The following CATSPERE variants were observed in gnomAD, a reference collection of about 807,000 sequenced individuals.
CATSPERE encodes cation channel sperm-associated auxiliary subunit epsilon.
A neutral mutation model predicts 114.1 loss-of-function variants in CATSPERE; 93 were observed. The observed-to-expected ratio is 0.81, with a 90% CI of 0.69 to 0.97. The LOEUF is 0.97. Ranked by LOEUF, CATSPERE falls within the 50% of genes least tolerant of loss-of-function variation. The pLI is 0.00. For synonymous variants in CATSPERE, 341 were observed against 384.1 expected (o/e 0.89, Z 1.31); for missense variants, 1,058 against 1,131.6 (o/e 0.93, Z 0.93).
Position 244,573,856 on chromosome 1 carries a change from G to A in CATSPERE, c.1950+1084G>A, listed in dbSNP as rs1664847003. ...CATCTTTGCAAACAATGTCATAATA[G>A]GTGTTATAAGTAAAATGTTTACTTA... On this transcript the variant is annotated intron_variant, in intron 11 of 21. Coordinates refer to ENST00000366534, the MANE Select transcript of CATSPERE (RefSeq NM_001130957.2). This position sits in a 1 kb window ranked among gnomAD's most constrained non-coding sequence, Gnocchi z 4.0. 6.6e-6 allele frequency among the ~76,000 whole-genome samples: 1 copy of A among 152,124 alleles called. No individual in the cohort carries two copies. Among genetic ancestry groups the A allele is most frequent in the South Asian group, 2.1e-4 (1 of 4,828 alleles).
intron 7 of CATSPERE, among the ~76,000 whole-genome samples, chr1:244,518,010 C>T (rs1251045485): frequency 6.6e-6 from 1 of 152,136 alleles, no homozygotes; most frequent in Non-Finnish European, 1.5e-5. Flanking sequence ...TAGCCCTCAT[C>T]ATCTGATTTT....
chr1:244,559,592 A>G (rs72773452), intron 9 of CATSPERE, among the ~76,000 whole-genome samples: 2 of 152,196 alleles, frequency 1.3e-5, no homozygotes, highest in Admixed American at 1.3e-4. Flanking sequence ...GTTTCTGAAT[A>G]CTAGCAGCCT....
chr1:244,514,838 AAAAAAAAAAAAAGAGTGCCTGG>A (rs1676356315), intron 7 of CATSPERE, among the ~76,000 whole-genome samples: 1 of 149,480 alleles, frequency 6.7e-6, no homozygotes, highest in Admixed American at 6.6e-5. Flanking sequence ...CAAAAAAAAA[AAAAAAAAAAAAAGAGTGCCTGG>A]AAAAATTGGT....
chr1:244,511,349 T>C (rs1675727420), intron 7 of CATSPERE, among the ~76,000 whole-genome samples: 2 of 152,218 alleles, frequency 1.3e-5, no homozygotes. Context: ...TTCATGTATC[T>C]TTACAAGTGA....
chr1:244,513,397 G>A (rs1003265237), intron 7 of CATSPERE, among the ~76,000 whole-genome samples: 3 of 152,206 alleles, frequency 2.0e-5, no homozygotes, highest in Non-Finnish European at 2.9e-5. Flanking sequence ...TGCCAGTGGT[G>A]TCAGGCAGGG....
intron 7 of CATSPERE, among the ~76,000 whole-genome samples, chr1:244,516,631 C>G (rs563243784): frequency 6.6e-6 from 1 of 152,232 alleles, no homozygotes; most frequent in African/African-American, 2.4e-5. Context: ...AAGTGATTCT[C>G]CTGCCTCAGC....
chr1:244,583,646 G>A (rs1027111568), intron 12 of CATSPERE, among the ~76,000 whole-genome samples: 3 of 152,154 alleles, frequency 2.0e-5, no homozygotes, highest in Non-Finnish European at 2.9e-5. Context: ...CATGGGATAC[G>A]ATGAGGTGGG....
intron 17 of CATSPERE, among the ~76,000 whole-genome samples, chr1:244,604,949 T>C (rs1287367958): frequency 6.6e-6 from 1 of 152,226 alleles, no homozygotes; most frequent in African/African-American, 2.4e-5. Context: ...CGGTCCATCT[T>C]GCACTCCCCT....
chr1:244,498,264 A>C (rs1028847166), intron 6 of CATSPERE, among the ~76,000 whole-genome samples: 1 of 152,200 alleles, frequency 6.6e-6, no homozygotes, highest in African/African-American at 2.4e-5. Flanking sequence ...TATGTTTAGC[A>C]TGCTAGCATT....
Position 244,524,917 on chromosome 1 carries a change from G to A in CATSPERE, c.536+6219G>A, listed in dbSNP as rs1021893227. On this transcript the variant is annotated intron_variant, in intron 8 of 21. Coordinates refer to ENST00000366534, the MANE Select transcript of CATSPERE (RefSeq NM_001130957.2). ...GACTGTAAACTAGTTCAACCATTGT[G>A]GAAGTCAGTGTGGCGGTTCCTCAGG... Among the ~76,000 whole-genome samples, 2 of 147,166 alleles carry A rather than the reference G, an allele frequency of 1.4e-5. 1 individual carries two copies. The highest frequency in any genetic ancestry group is 5.3e-5 in the African/African-American group (2 of 37,420).
At chr1:244,614,829 T>A (rs780036633) in intron 19 of CATSPERE, among the ~76,000 whole-genome samples, 2 of 152,210 alleles carry the variant, frequency 1.3e-5, no homozygotes, top group Non-Finnish European at 2.9e-5. Flanking sequence ...TTTATTTTCA[T>A]TTTTACCATG....
intron 4 of CATSPERE, 33 bp from the exon 5 acceptor site, chr1:244,479,684 A>C (rs752781992): frequency 7.3e-7 from 1 of 1,372,244 alleles, no homozygotes; most frequent in Non-Finnish European, 1.0e-6. Context: ...TTTAATGTTA[A>C]TATATCACAG....
At chr1:244,545,389 G>C (rs752576019) in intron 8 of CATSPERE, among the ~76,000 whole-genome samples, 5 of 152,192 alleles carry the variant, frequency 3.3e-5, no homozygotes, top group Non-Finnish European at 7.3e-5. Context: ...CCAAAAAGCT[G>C]TGAGTTTTCA....
At chr1:244,604,163 C>T (rs1026814049) in intron 17 of CATSPERE, among the ~76,000 whole-genome samples, 68 of 152,176 alleles carry the variant, frequency 4.5e-4, no homozygotes, top group African/African-American at 1.6e-3. Context: ...TTGTCTGTTG[C>T]GAAAGGGTCC....
Position 244,568,408 on chromosome 1 carries a change from C to T in CATSPERE, c.1508-3922C>T, listed in dbSNP as rs1488716979. Among the ~76,000 whole-genome samples the T allele has an allele frequency of 6.6e-6, 1 of 152,240 alleles. No individual in the cohort carries two copies. The highest frequency in any genetic ancestry group is 1.5e-5 in the Non-Finnish European group (1 of 68,042). ...CCACTGCTTCTTCAGAGCTGGCTCA[C>T]AGGAACGTTTAAGTCTGCTGAAGCT... is the stretch of plus-strand genomic sequence containing the variant. On this transcript the variant is annotated intron_variant, in intron 10 of 21. Coordinates refer to ENST00000366534, the MANE Select transcript of CATSPERE (RefSeq NM_001130957.2). This position sits in a 1 kb window ranked among gnomAD's most constrained non-coding sequence, Gnocchi z 4.4.
rs943620120 is a variant in CATSPERE, at chr1:244,508,446, A to G, written c.429+9367A>G. On this transcript the variant is annotated intron_variant, in intron 7 of 21. Transcript: ENST00000366534. ...CTCTCGATTAGCTGGGACTATAGGC[A>G]CCCGCCACCACGCCCAGCTAATTTT... 4.0e-4 allele frequency among the ~76,000 whole-genome samples: 61 copies of G among 150,734 alleles called. 1 individual carries two copies. Among genetic ancestry groups the G allele is most frequent in the South Asian group, 2.1e-4 (1 of 4,772 alleles).
intron 8 of CATSPERE, among the ~76,000 whole-genome samples, chr1:244,527,212 C>T (rs758720283): frequency 9.9e-5 from 15 of 152,066 alleles, no homozygotes; most frequent in Middle Eastern, 3.2e-3. Flanking sequence ...AGCCTGGGAG[C>T]GCTACAGGAG....
rs869241078 is a variant in CATSPERE at position 244,621,166 on chromosome 1, TA to T, written c.2648+3481del. Among the ~76,000 whole-genome samples, 54 of 54,832 alleles carry T rather than the reference TA, an allele frequency of 9.8e-4. 3 individuals are homozygous for T. Among genetic ancestry groups the T allele is most frequent in the Admixed American group, 2.3e-3 (8 of 3,548 alleles). 36.0% of individuals were successfully genotyped at this position (54,832 alleles called of 152,430 possible). A position where few individuals can be genotyped will look rare whatever the true frequency, so the allele number is the denominator to read the frequency against. ...TATATATATTATAAAATATATATAT[TA>T]TATATAGATATATTTATATAGATAT... On this transcript the variant is annotated intron_variant, in intron 20 of 21. Transcript: ENST00000366534.
rs1210417139 is a variant in CATSPERE at position 244,633,771 on chromosome 1, C to T, written c.2649-1718C>T. On this transcript the variant is annotated intron_variant, in intron 20 of 21. Transcript: ENST00000366534. The surrounding 1 kb of genome is among the most constrained non-coding windows in gnomAD (Gnocchi z 4.1). ...TCTCCCTACACCTGGAATGCCCTAA[C>T]CCTTCATCCTTATTTAAACTCCAAC... Among the ~76,000 whole-genome samples the T allele has an allele frequency of 6.6e-6, 1 of 152,074 alleles. No homozygotes were observed. Among genetic ancestry groups the T allele is most frequent in the Non-Finnish European group, 1.5e-5 (1 of 68,012 alleles).
Sources: gnomAD v4.1 joint callset for allele counts (sites outside exome capture counted in the v4.1 genomes callset) on GRCh38, gnomAD v4.1.1 for gene constraint, Gnocchi (gnomAD v3.1) non-coding constraint, MANE v1.5 for transcripts, NCBI Gene and HGNC (gene_info 2026-07-23, HGNC 2026-07-21) for gene names.